Variants in AARS1 observed in about 807,000 individuals in gnomAD.
AARS1 encodes alanine--tRNA ligase, cytoplasmic.
AARS1 carries 72 observed loss-of-function variants against 108.9 expected under a neutral mutation model. That is an observed-to-expected ratio of 0.66 (90% CI 0.55 to 0.80). AARS1 has a LOEUF of 0.80. Ranked by LOEUF, AARS1 falls within the 30% of genes least tolerant of loss-of-function variation. The pLI, the probability that AARS1 is intolerant of heterozygous loss-of-function variation, is 0.00. For missense variants in AARS1, 1,193 were observed against 1,233.2 expected (o/e 0.97, Z 0.49); for synonymous variants, 489 against 465.7 (o/e 1.05, Z -0.64).
At chr16:70,265,231 A>T (rs1960234795) in intron 10 of AARS1, 129 bp from the exon 11 acceptor site, 3 of 1,215,674 alleles carry the variant, frequency 2.5e-6, no homozygotes, top group Non-Finnish European at 2.4e-6. Flanking sequence ...GGCACTACTG[A>T]CATTTGGGGC....
At chr16:70,261,637 C>T (rs113516046) in intron 12 of AARS1, among the ~76,000 whole-genome samples, 10 of 148,646 alleles carry the variant, frequency 6.7e-5, no homozygotes, top group Admixed American at 2.0e-4. Context: ...TGTGCACACA[C>T]ACAGACATAA....
chr16:70,277,165 A>G lies in AARS1; in HGVS notation c.145-11T>C, dbSNP rs777117114. 4.3e-6 allele frequency: 7 copies of G among 1,613,926 alleles called. No individual in the cohort carries two copies. The highest frequency in any genetic ancestry group is 5.1e-6 in the Non-Finnish European group (6 of 1,179,852). On this transcript the variant is annotated splice_polypyrimidine_tract_variant and intron_variant, in intron 2 of 20. Coordinates refer to ENST00000261772, the MANE Select transcript of AARS1 (RefSeq NM_001605.3). ...GAAAATGGGTTTAAACTAAAAGAGA[A>G]GGACAGCAGTTCAACTTTTAAAGGG...
At chr16:70,264,477 C>T (rs139107372) in intron 11 of AARS1, among the ~76,000 whole-genome samples, 13 of 151,916 alleles carry the variant, frequency 8.6e-5, no homozygotes, top group East Asian at 7.9e-4. Flanking sequence ...CCACCACGCC[C>T]GGCTAATTTC....
At chr16:70,285,836 T>C (rs1221710708) in intron 1 of AARS1, among the ~76,000 whole-genome samples, 1 of 152,132 alleles carries the variant, frequency 6.6e-6, no homozygotes, top group African/African-American at 2.4e-5. Flanking sequence ...GGTGTTGGGA[T>C]GGCATGAGCC....
chr16:70,264,801 G>A (rs1401564550), intron 11 of AARS1, among the ~76,000 whole-genome samples, 157 bp downstream of exon 11: 2 of 152,036 alleles, frequency 1.3e-5, no homozygotes, highest in Non-Finnish European at 2.9e-5. Flanking sequence ...TCCAGCCAAG[G>A]GTGCCTATGT....
chr16:70,277,293 C>T, intron 2 of AARS1, 139 bp from the exon 3 acceptor site: 2 of 991,520 alleles, frequency 2.0e-6, no homozygotes, highest in East Asian at 2.5e-5. Flanking sequence ...CTTGTCAGAA[C>T]AGGTGGCCTG....
At chr16:70,283,805 G>C (rs1463047184) in intron 1 of AARS1, among the ~76,000 whole-genome samples, 3 of 152,186 alleles carry the variant, frequency 2.0e-5, no homozygotes, top group Admixed American at 6.6e-5. Context: ...CTGCCTTCCA[G>C]CCATTAGATT....
intron 11 of AARS1, 26 bp from the exon 12 acceptor site, chr16:70,262,550 GGGACAGT>G (rs765525959): frequency 5.6e-6 from 9 of 1,592,940 alleles, no homozygotes; most frequent in Non-Finnish European, 7.7e-6. Flanking sequence ...GCATAGAAAG[GGGACAGT>G]GGGGTCAATG....
intron 7 of AARS1, among the ~76,000 whole-genome samples, chr16:70,269,374 TAAAAGTACA>T (rs1177021452): frequency 1.0e-5 from 1 of 96,500 alleles, no homozygotes; most frequent in Non-Finnish European, 2.0e-5. Flanking sequence ...CCGTCTCTAC[TAAAAGTACA>T]AAAATTAGCC....
In AARS1 at chr16:70,267,764, C is replaced by T. The variant is rs745393423; in HGVS notation, c.1117G>A (p.Asp373Asn). 1 of 1,614,168 alleles carries T rather than the reference C, an allele frequency of 6.2e-7. No individual in the cohort carries two copies. Among genetic ancestry groups the T allele is most frequent in the South Asian group, 1.1e-5 (1 of 91,080 alleles). ...TGCACCTCTTCTTCATTAATGATGT[C>T]CTTCACCATGTCTGGGTCCTTCTTC... The part of the protein sequence containing the change: ...ELKKDPDMVK[D>N]IINEEEVQFL... The change falls in exon 9 of 21, where the codon GAC (aspartate) becomes AAC (asparagine). Residue 373 changes from aspartate to asparagine, a missense_variant. Asp to Asn is a conservative substitution (Grantham distance 23, BLOSUM62 1). Coordinates refer to ENST00000261772, the MANE Select transcript of AARS1 (RefSeq NM_001605.3).
chr16:70,288,977 T>C (rs915804826), intron 1 of AARS1, among the ~76,000 whole-genome samples: 6 of 152,238 alleles, frequency 3.9e-5, no homozygotes, highest in Non-Finnish European at 8.8e-5. Context: ...ACTCACATGC[T>C]TCAAAGCACA....
At position 70,271,901 on chromosome 16, in the gene AARS1, C is replaced by G; in HGVS notation, c.551G>C (p.Cys184Ser). 1 of 1,614,174 alleles carries G rather than the reference C, an allele frequency of 6.2e-7. No homozygotes were observed. Among genetic ancestry groups the G allele is most frequent in the Non-Finnish European group, 8.5e-7 (1 of 1,180,038 alleles). The change falls in exon 5 of 21, where the codon TGT becomes TCT. Residue 184 changes from cysteine (C) to serine (S), a missense_variant. By Grantham distance (112) the Cys-to-Ser change is moderately radical. Transcript: ENST00000261772. Reference sequence around the variant, plus strand: ...GTAGTGGATCTCACTGCAAGGACCACAGGGGCCCGTGTCACCCATCTCCCA... The same window carrying G: ...GTAGTGGATCTCACTGCAAGGACCAGAGGGGCCCGTGTCACCCATCTCCCA... ...NFWEMGDTGP[C>S]GPCSEIHYDR...
intron 9 of AARS1, 120 bp downstream of exon 9, chr16:70,267,539 C>CA (rs1368653690): frequency 7.8e-7 from 1 of 1,278,340 alleles, no homozygotes. Flanking sequence ...AAAAGCAATT[C>CA]AATCAAGCTA....
intron 1 of AARS1, among the ~76,000 whole-genome samples, chr16:70,286,309 G>A (rs1040819836): frequency 1.3e-5 from 2 of 151,424 alleles, no homozygotes; most frequent in African/African-American, 4.9e-5. Context: ...AACAGGAGCT[G>A]TAAAGGTCTT....
intron 2 of AARS1, among the ~76,000 whole-genome samples, chr16:70,278,584 G>C (rs1441825416): frequency 1.3e-5 from 2 of 150,848 alleles, no homozygotes; most frequent in African/African-American, 4.9e-5. Flanking sequence ...AAAAAAGCAA[G>C]AGAGAAAGAA....
chr16:70,271,089 C>T (rs575664124), intron 5 of AARS1, among the ~76,000 whole-genome samples: 5 of 151,982 alleles, frequency 3.3e-5, no homozygotes, highest in Non-Finnish European at 7.4e-5. Context: ...GCAGGAGAAT[C>T]GCTTGAACCC....
At chr16:70,261,897 G>A (rs1013755292) in intron 12 of AARS1, among the ~76,000 whole-genome samples, 3 of 151,932 alleles carry the variant, frequency 2.0e-5, no homozygotes, top group Non-Finnish European at 4.4e-5. Flanking sequence ...TTGAACTCCT[G>A]ACCTCAGGCG....
At chr16:70,276,122 G>A (rs145825165) in intron 4 of AARS1, 5,156 of 159,626 alleles carry the variant, frequency 0.032, 303 homozygotes, top group African/African-American at 0.12. Flanking sequence ...GGCTGAGGCA[G>A]GAGAATTGCT....
Position 70,275,131 on chromosome 16 carries a change from G to A in AARS1, c.479+1355C>T, listed in dbSNP as rs143758054. ...AAAAATTAGCCAGGTGTGGTGGCGC[G>A]CACCTGTAGTCCCAGCTACTCAGGA... On this transcript the variant is annotated intron_variant, in intron 4 of 20. Transcript: ENST00000261772. 5.8e-3 allele frequency among the ~76,000 whole-genome samples: 885 copies of A among 151,714 alleles called. 5 individuals carry two copies. Among genetic ancestry groups the A allele is most frequent in the Non-Finnish European group, 8.8e-3 (595 of 67,880 alleles).
Sources: allele counts gnomAD v4.1 joint callset (sites outside exome capture counted in the v4.1 genomes callset), GRCh38; gene constraint gnomAD v4.1.1; transcripts MANE v1.5; gene names NCBI Gene and HGNC (gene_info 2026-07-23, HGNC 2026-07-21).